The following GRID2 variants were observed in gnomAD, a reference collection of about 807,000 sequenced individuals.
The protein encoded by GRID2 is glutamate receptor ionotropic, delta-2.
GRID2 carries 33 observed loss-of-function variants against 114.8 expected under a neutral mutation model. The ratio of observed to expected loss-of-function variants is 0.29; its 90% confidence interval spans 0.22 to 0.38. The LOEUF (loss-of-function observed/expected upper bound fraction) is 0.38, where lower values mean the gene tolerates loss of function less well. GRID2 is among the 10% of genes least tolerant of loss of function. GRID2 has a pLI of 1.00. For synonymous variants in GRID2, 505 were observed against 449.9 expected (o/e 1.12, Z -1.55); for missense variants, 1,184 against 1,257.7 (o/e 0.94, Z 0.89).
chr4:93,515,670 A>C (rs989048316), intron 13 of GRID2, among the ~76,000 whole-genome samples: 5 of 152,134 alleles, frequency 3.3e-5, no homozygotes, highest in African/African-American at 1.2e-4. Context: ...TTGTTCAGAA[A>C]AGGGTTAAGG....
intron 1 of GRID2, among the ~76,000 whole-genome samples, chr4:92,480,913 C>T (rs773676424): frequency 2.6e-5 from 4 of 152,114 alleles, no homozygotes; most frequent in Non-Finnish European, 5.9e-5. Flanking sequence ...TTCATTGTAG[C>T]TCTTAGGAAG....
At chr4:92,574,776 G>A (rs192620056) in intron 1 of GRID2, among the ~76,000 whole-genome samples, 42 of 152,076 alleles carry the variant, frequency 2.8e-4, no homozygotes, top group African/African-American at 1.0e-3. Flanking sequence ...TTTTGACCTT[G>A]GAGAATCTGA....
chr4:93,694,656 T>C (rs926698943), intron 14 of GRID2, among the ~76,000 whole-genome samples: 2 of 152,220 alleles, frequency 1.3e-5, no homozygotes, highest in African/African-American at 4.8e-5. Context: ...GGTTGTATTA[T>C]GGAATCAAAA....
Position 93,241,065 on chromosome 4 carries a change from G to GT in GRID2, c.1245+2576dup, listed in dbSNP as rs1361780347. On this transcript the variant is annotated intron_variant, in intron 8 of 15. Transcript: ENST00000282020. ...ATTTAAGGTACATTCTTATTTTCAT[G>GT]TGTCAATAATTTTGCTTGTTTGTCT... Among the ~76,000 whole-genome samples the GT allele has an allele frequency of 4.6e-5, 7 of 151,668 alleles. No individual in the cohort carries two copies. In the East Asian group the frequency reaches 1.4e-3, roughly 29 times the overall value.
chr4:92,646,051 C>T (rs991149429), intron 2 of GRID2, among the ~76,000 whole-genome samples: 8 of 151,784 alleles, frequency 5.3e-5, no homozygotes, highest in African/African-American at 1.9e-4. Context: ...CTGTTTTAGA[C>T]TCCTACCGGC....
intron 1 of GRID2, among the ~76,000 whole-genome samples, chr4:92,421,366 C>A (rs1243592940): frequency 6.6e-6 from 1 of 151,926 alleles, no homozygotes; most frequent in Non-Finnish European, 1.5e-5. Flanking sequence ...GTGGGAGGAG[C>A]TGAGGAAATA....
intron 11 of GRID2, among the ~76,000 whole-genome samples, chr4:93,487,640 T>A (rs1726546853): frequency 6.6e-6 from 1 of 151,952 alleles, no homozygotes. Flanking sequence ...TGAATACTTT[T>A]AAAGTGTTCC....
intron 2 of GRID2, among the ~76,000 whole-genome samples, chr4:92,843,550 G>T (rs1184883614): frequency 6.6e-6 from 1 of 151,984 alleles, no homozygotes; most frequent in Non-Finnish European, 1.5e-5. Flanking sequence ...ATTTTCATGA[G>T]GAATAACTAT....
intron 2 of GRID2, among the ~76,000 whole-genome samples, chr4:92,816,810 T>A (rs1462509232): frequency 6.6e-6 from 1 of 152,170 alleles, no homozygotes. Context: ...CATTAACAAC[T>A]TACAAAGCTC....
chr4:93,289,437 G>C (rs916373525), intron 8 of GRID2, among the ~76,000 whole-genome samples: 1 of 152,004 alleles, frequency 6.6e-6, no homozygotes, highest in African/African-American at 2.4e-5. Context: ...AGACCTTATC[G>C]GGATGCCGTA....
intron 5 of GRID2, among the ~76,000 whole-genome samples, chr4:93,214,301 T>C (rs1743929849): frequency 6.6e-6 from 1 of 152,086 alleles, no homozygotes; most frequent in African/African-American, 2.4e-5. Context: ...TATAACATTT[T>C]AATACACAAG....
chr4:92,842,347 A>C (rs1373582957), intron 2 of GRID2, among the ~76,000 whole-genome samples: 1 of 152,204 alleles, frequency 6.6e-6, no homozygotes, highest in Non-Finnish European at 1.5e-5. Context: ...AGGAGAGAAC[A>C]AAAACCAAGA....
intron 4 of GRID2, among the ~76,000 whole-genome samples, chr4:93,119,973 G>A (rs763674962): frequency 6.6e-5 from 10 of 152,066 alleles, no homozygotes; most frequent in East Asian, 3.9e-4. Context: ...TGGACAGATC[G>A]CAAAAATGTT....
At chr4:93,741,164 T>TATATATATAC (rs1332072811) in intron 14 of GRID2, among the ~76,000 whole-genome samples, 1 of 45,798 alleles carries the variant, frequency 2.2e-5, no homozygotes, top group Non-Finnish European at 3.5e-5. Flanking sequence ...AGAAACTATA[T>TATATATATAC]ATATATATAC....
intron 14 of GRID2, among the ~76,000 whole-genome samples, chr4:93,671,711 G>A (rs1478033371): frequency 6.6e-6 from 1 of 152,100 alleles, no homozygotes; most frequent in East Asian, 1.9e-4. Flanking sequence ...GCTCACACAT[G>A]TAATCCCAAA....
At chr4:93,315,659 C>T (rs890051357) in intron 8 of GRID2, among the ~76,000 whole-genome samples, 2 of 152,096 alleles carry the variant, frequency 1.3e-5, no homozygotes, top group Non-Finnish European at 2.9e-5. Context: ...GAAAACTCTG[C>T]CTGACACATT....
chr4:93,238,571 G>C, intron 8 of GRID2, 81 bp downstream of exon 8: 1 of 1,155,104 alleles, frequency 8.7e-7, no homozygotes, highest in Non-Finnish European at 1.2e-6. Context: ...TATGATCACA[G>C]TACCCATTAA....
chr4:93,771,445 G>A (rs112477462), intron 15 of GRID2, among the ~76,000 whole-genome samples: 130 of 152,226 alleles, frequency 8.5e-4, no homozygotes, highest in African/African-American at 3.1e-3. Flanking sequence ...TCACAGTATT[G>A]ACTGATTCAG....
chr4:92,422,548 G>A (rs1187869569), intron 1 of GRID2, among the ~76,000 whole-genome samples: 1 of 152,050 alleles, frequency 6.6e-6, no homozygotes, highest in Non-Finnish European at 1.5e-5. Context: ...TAATTAGTTA[G>A]GTAGGAGATG....
Sources: gnomAD v4.1 joint callset for allele counts (sites outside exome capture counted in the v4.1 genomes callset) on GRCh38, gnomAD v4.1.1 for gene constraint, MANE v1.5 for transcripts, NCBI Gene and HGNC (gene_info 2026-07-23, HGNC 2026-07-21) for gene names.